CLSTN2: variants seen among roughly 807,000 people sequenced by gnomAD.
The protein encoded by CLSTN2 is calsyntenin 2.
Under a neutral mutation model 101.2 loss-of-function variants are expected in CLSTN2, and 48 were observed. That is an observed-to-expected ratio of 0.47 (90% CI 0.38 to 0.60). The LOEUF is 0.60. CLSTN2 is among the 20% of genes least tolerant of loss of function. The pLI is 0.00. For synonymous variants in CLSTN2, 481 were observed against 463.6 expected (o/e 1.04, Z -0.48); for missense variants, 1,160 against 1,238.2 (o/e 0.94, Z 0.95).
intron 1 of CLSTN2, among the ~76,000 whole-genome samples, chr3:140,141,648 A>T (rs1244928214): frequency 6.6e-6 from 1 of 152,222 alleles, no homozygotes; most frequent in Non-Finnish European, 1.5e-5. Context: ...GTCCATGCCT[A>T]GCACCGGCAG....
Position 140,325,534 on chromosome 3 carries a change from G to A in CLSTN2, c.233-78095G>A, listed in dbSNP as rs545298380. On this transcript the variant is annotated intron_variant, in intron 2 of 16. Coordinates refer to ENST00000458420, the MANE Select transcript of CLSTN2 (RefSeq NM_022131.3). ...GTAAAAGTGGAGGTTCCTCTTCAAA[G>A]ACTTTCCTCCCCATCTAATTAGGAA... 5.3e-5 allele frequency among the ~76,000 whole-genome samples: 8 copies of A among 152,270 alleles called. No individual in the cohort carries two copies. The East Asian group carries it at 1.4e-3, about 26-fold the overall frequency.
intron 2 of CLSTN2, among the ~76,000 whole-genome samples, chr3:140,351,712 C>T (rs756633398): frequency 2.0e-5 from 3 of 152,052 alleles, no homozygotes; most frequent in Admixed American, 6.6e-5. Flanking sequence ...AGAGGCCCGA[C>T]CTCTGTTGGT....
chr3:140,471,889 T>C (rs915706296), intron 8 of CLSTN2, among the ~76,000 whole-genome samples: 1 of 152,244 alleles, frequency 6.6e-6, no homozygotes, highest in African/African-American at 2.4e-5. Flanking sequence ...ACAGATCATC[T>C]GGCCAAACAA....
chr3:140,092,166 C>T lies in CLSTN2; in HGVS notation c.110-83785C>T, dbSNP rs192818075. 1.9e-3 allele frequency among the ~76,000 whole-genome samples: 286 copies of T among 152,296 alleles called. 1 individual carries two copies. The highest frequency in any genetic ancestry group is 6.5e-3 in the African/African-American group (271 of 41,560). On this transcript the variant is annotated intron_variant, in intron 1 of 16. Coordinates refer to ENST00000458420, the MANE Select transcript of CLSTN2 (RefSeq NM_022131.3). ...GAGTGCATTGTGTGCCCCCTCAAAC[C>T]TCCTGGCCCTACTTAGAAGTGTTTA...
intron 2 of CLSTN2, among the ~76,000 whole-genome samples, chr3:140,239,794 C>T (rs905399498): frequency 4.0e-5 from 6 of 151,760 alleles, no homozygotes; most frequent in Admixed American, 6.6e-5. Context: ...TTGTGAAATG[C>T]CATTGATTAT....
At chr3:140,188,758 C>T (rs2010516788) in intron 2 of CLSTN2, among the ~76,000 whole-genome samples, 1 of 152,166 alleles carries the variant, frequency 6.6e-6, no homozygotes, top group South Asian at 2.1e-4. Context: ...AGTTGTAAGA[C>T]ATCATACAGA....
intron 9 of CLSTN2, among the ~76,000 whole-genome samples, chr3:140,533,987 A>C (rs1935312168): frequency 6.6e-6 from 1 of 152,174 alleles, no homozygotes; most frequent in South Asian, 2.1e-4. Flanking sequence ...CAAAATGTTT[A>C]TTAAATATTT....
intron 1 of CLSTN2, among the ~76,000 whole-genome samples, chr3:140,083,587 A>G (rs1169992619): frequency 1.3e-5 from 2 of 152,196 alleles, no homozygotes; most frequent in Non-Finnish European, 2.9e-5. Flanking sequence ...GTTTTGCCCC[A>G]CCAATATTCT....
chr3:140,554,086 AC>A (rs1190219299), intron 10 of CLSTN2, among the ~76,000 whole-genome samples: 7 of 152,136 alleles, frequency 4.6e-5, no homozygotes, highest in African/African-American at 9.7e-5. Flanking sequence ...TGGCCACTGT[AC>A]TATAATAGTG....
intron 1 of CLSTN2, among the ~76,000 whole-genome samples, chr3:140,053,971 C>A (rs772712904): frequency 6.6e-6 from 1 of 152,148 alleles, no homozygotes; most frequent in African/African-American, 2.4e-5. Context: ...GAGTTAGACT[C>A]GGGCCCAATA....
intron 2 of CLSTN2, among the ~76,000 whole-genome samples, chr3:140,185,834 G>A (rs1019593523): frequency 6.6e-6 from 1 of 152,176 alleles, no homozygotes. Flanking sequence ...AGATGGGAGG[G>A]AGTGTGTGGT....
chr3:140,049,542 T>C (rs186123239), intron 1 of CLSTN2, among the ~76,000 whole-genome samples: 1,884 of 152,312 alleles, frequency 0.012, 26 homozygotes, highest in Non-Finnish European at 0.018. Flanking sequence ...CCTCCAGTAC[T>C]GGGGCTGACA....
intron 1 of CLSTN2, among the ~76,000 whole-genome samples, chr3:140,167,546 G>A (rs900641206): frequency 1.3e-5 from 2 of 152,066 alleles, no homozygotes; most frequent in Non-Finnish European, 2.9e-5. Context: ...CATGTATTGC[G>A]GCATAATTTA....
At chr3:140,281,393 C>T (rs1576497583) in intron 2 of CLSTN2, among the ~76,000 whole-genome samples, 1 of 152,152 alleles carries the variant, frequency 6.6e-6, no homozygotes, top group African/African-American at 2.4e-5. Flanking sequence ...AAAATATTAG[C>T]TCACCCTTAT....
At chr3:140,024,429 GT>G (rs1421535775) in intron 1 of CLSTN2, among the ~76,000 whole-genome samples, 1 of 152,158 alleles carries the variant, frequency 6.6e-6, no homozygotes, top group Admixed American at 6.5e-5. Context: ...CTGCATGGCT[GT>G]TTTTTTGTTT....
At chr3:140,191,306 T>A (rs759413099) in intron 2 of CLSTN2, among the ~76,000 whole-genome samples, 6 of 152,042 alleles carry the variant, frequency 3.9e-5, no homozygotes, top group Non-Finnish European at 8.8e-5. Context: ...TGCTGATTTC[T>A]ATGTGCTAAT....
chr3:140,010,914 T>G (rs1427137727), intron 1 of CLSTN2, among the ~76,000 whole-genome samples: 1 of 152,268 alleles, frequency 6.6e-6, no homozygotes, highest in Non-Finnish European at 1.5e-5. Context: ...ATTCTAGATC[T>G]GGTAGTCCCT....
At chr3:140,335,534 T>A (rs2087431564) in intron 2 of CLSTN2, among the ~76,000 whole-genome samples, 1 of 151,684 alleles carries the variant, frequency 6.6e-6, no homozygotes, top group Admixed American at 6.6e-5. Flanking sequence ...AGCCCCCAGT[T>A]CTGGGGCCCT....
chr3:140,111,711 C>T (rs1185214659), intron 1 of CLSTN2, among the ~76,000 whole-genome samples: 3 of 152,158 alleles, frequency 2.0e-5, no homozygotes, highest in African/African-American at 7.2e-5. Flanking sequence ...TGGCCCGTCT[C>T]TTCAAGCAGT....
Sources: gnomAD v4.1 joint callset for allele counts (sites outside exome capture counted in the v4.1 genomes callset) on GRCh38, gnomAD v4.1.1 for gene constraint, MANE v1.5 for transcripts, NCBI Gene and HGNC (gene_info 2026-07-23, HGNC 2026-07-21) for gene names.